ZMAT4: variants seen among roughly 807,000 people sequenced by gnomAD.
ZMAT4 encodes the protein zinc finger matrin-type protein 4.
Under a neutral mutation model 28.7 loss-of-function variants are expected in ZMAT4, and 17 were observed. The observed-to-expected ratio is 0.59, with a 90% CI of 0.41 to 0.89. ZMAT4 has a LOEUF of 0.89. ZMAT4 is among the 40% of genes least tolerant of loss of function. The pLI is 0.00. For synonymous variants in ZMAT4, 117 were observed against 109.2 expected (o/e 1.07, Z -0.44); for missense variants, 240 against 283.8 (o/e 0.85, Z 1.11).
At chr8:40,636,660 A>T (rs1305268931) in intron 5 of ZMAT4, among the ~76,000 whole-genome samples, 3 of 152,208 alleles carry the variant, frequency 2.0e-5, no homozygotes, top group Non-Finnish European at 2.9e-5. Flanking sequence ...GAGAGCTTGT[A>T]ATTAAAAGGT....
chr8:40,783,648 G>A (rs949187250), intron 2 of ZMAT4, among the ~76,000 whole-genome samples: 11 of 152,116 alleles, frequency 7.2e-5, no homozygotes, highest in African/African-American at 2.7e-4. Flanking sequence ...AAACATAAGA[G>A]ATGCATATCT....
rs559478013 is a variant in ZMAT4 at position 40,656,639 on chromosome 8, G to T, written c.577+18065C>A. Reference sequence around the variant, plus strand: ...TACTGATACATGCTACAAAATAAATGACCCTTAAACACATTATGCTAAATA... The same window carrying T: ...TACTGATACATGCTACAAAATAAATTACCCTTAAACACATTATGCTAAATA... On this transcript the variant is annotated intron_variant, in intron 5 of 6. Transcript: ENST00000297737. Among the ~76,000 whole-genome samples, 5 of 151,950 alleles carry T rather than the reference G, an allele frequency of 3.3e-5. No individual in the cohort carries two copies. In the South Asian group the frequency reaches 1.0e-3, roughly 32 times the overall value.
chr8:40,819,217 G>A (rs1815654709), intron 2 of ZMAT4, among the ~76,000 whole-genome samples: 1 of 152,038 alleles, frequency 6.6e-6, no homozygotes, highest in South Asian at 2.1e-4. Flanking sequence ...GCCATTCCCA[G>A]GTGGGCTAAA....
chr8:40,748,167 A>C (rs1463051689), intron 3 of ZMAT4, among the ~76,000 whole-genome samples: 1 of 152,236 alleles, frequency 6.6e-6, no homozygotes, highest in Non-Finnish European at 1.5e-5. Context: ...CAATAAAAAT[A>C]ATCTTTTCCA....
In ZMAT4 at chr8:40,583,784, C is replaced by T. The variant is rs144361135; in HGVS notation, c.578-2523G>A. On this transcript the variant is annotated intron_variant, in intron 5 of 6. Transcript: ENST00000297737. The stretch of plus-strand genomic sequence containing the variant: ...TTTGGTAAGGTGGGACAACTTGAGG[C>T]GGGGACTTCCAGGTCATGAGTAGAC... 3.9e-5 allele frequency among the ~76,000 whole-genome samples: 6 copies of T among 152,150 alleles called. No individual in the cohort carries two copies. In the East Asian group the frequency reaches 7.7e-4, roughly 20 times the overall value.
intron 1 of ZMAT4, among the ~76,000 whole-genome samples, chr8:40,870,542 C>T (rs990696303): frequency 1.3e-5 from 2 of 152,152 alleles, no homozygotes; most frequent in African/African-American, 2.4e-5. Flanking sequence ...GAAGATTATC[C>T]TTCCCTAGAA....
At chr8:40,804,928 C>A (rs969709290) in intron 2 of ZMAT4, among the ~76,000 whole-genome samples, 2 of 151,640 alleles carry the variant, frequency 1.3e-5, no homozygotes, top group Non-Finnish European at 1.5e-5. Flanking sequence ...ATCGTTTAAA[C>A]CAATATTTCT....
intron 1 of ZMAT4, among the ~76,000 whole-genome samples, chr8:40,830,061 T>C (rs1166854250): frequency 1.3e-5 from 2 of 152,140 alleles, no homozygotes; most frequent in African/African-American, 4.8e-5. Flanking sequence ...TTTTTCAGGA[T>C]CCTCAGAGGC....
At chr8:40,727,305 C>T (rs753808156) in intron 3 of ZMAT4, among the ~76,000 whole-genome samples, 6 of 152,104 alleles carry the variant, frequency 3.9e-5, no homozygotes, top group Non-Finnish European at 7.4e-5. Flanking sequence ...AATCATATTC[C>T]CTCGTGTCTA....
At chr8:40,573,213 G>C (rs555608852) in intron 6 of ZMAT4, among the ~76,000 whole-genome samples, 2 of 152,056 alleles carry the variant, frequency 1.3e-5, no homozygotes, top group African/African-American at 2.4e-5. Context: ...GTGTCTAAAG[G>C]GTTGCCTAAA....
chr8:40,550,370 T>C (rs1057263020), intron 6 of ZMAT4, among the ~76,000 whole-genome samples: 1 of 152,134 alleles, frequency 6.6e-6, no homozygotes, highest in Non-Finnish European at 1.5e-5. Context: ...CTTCCACATT[T>C]CTCTCACAGG....
At chr8:40,587,072 G>A (rs1351356689) in intron 5 of ZMAT4, among the ~76,000 whole-genome samples, 1 of 150,818 alleles carries the variant, frequency 6.6e-6, no homozygotes, top group Non-Finnish European at 1.5e-5. Flanking sequence ...GGCCCAGAGT[G>A]GAAATGGGCC....
intron 2 of ZMAT4, among the ~76,000 whole-genome samples, chr8:40,768,712 T>C (rs1813265031): frequency 1.1e-5 from 1 of 93,122 alleles, no homozygotes; most frequent in African/African-American, 3.7e-5. Flanking sequence ...AAGAATCAAA[T>C]GAGACATTGC....
intron 1 of ZMAT4, among the ~76,000 whole-genome samples, chr8:40,868,130 T>C (rs1396870727): frequency 6.6e-6 from 1 of 152,208 alleles, no homozygotes; most frequent in Non-Finnish European, 1.5e-5. Context: ...ATATATTTGT[T>C]GAGTGCAGAA....
intron 5 of ZMAT4, among the ~76,000 whole-genome samples, chr8:40,588,652 A>G (rs1804751146): frequency 6.6e-6 from 1 of 152,108 alleles, no homozygotes; most frequent in Non-Finnish European, 1.5e-5. Flanking sequence ...GAACAACTAG[A>G]ATTTGACACA....
At chr8:40,561,388 C>T (rs546834352) in intron 6 of ZMAT4, among the ~76,000 whole-genome samples, 7 of 152,118 alleles carry the variant, frequency 4.6e-5, no homozygotes, top group Admixed American at 3.9e-4. Flanking sequence ...TCTTATAATT[C>T]CCTTAGCTAT....
At chr8:40,595,008 T>A (rs976621634) in intron 5 of ZMAT4, among the ~76,000 whole-genome samples, 16 of 152,222 alleles carry the variant, frequency 1.1e-4, no homozygotes, top group Non-Finnish European at 2.2e-4. Flanking sequence ...CCTGCTTTGT[T>A]CTTAAATTGA....
Position 40,532,145 on chromosome 8 carries a change from C to T in ZMAT4, c.*78G>A. The T allele has an allele frequency of 7.2e-7, 1 of 1,392,158 alleles. No homozygotes were observed. Among genetic ancestry groups the T allele is most frequent in the South Asian group, 1.5e-5 (1 of 65,660 alleles). The allele number at this position is 1,392,158 out of a possible 1,614,324, so 86.2% of individuals were successfully genotyped here. A position where few individuals can be genotyped will look rare whatever the true frequency, so the allele number is the denominator to read the frequency against. The stretch of plus-strand genomic sequence containing the variant: ...TGTTTATTGTTCAAGAAAGAAGCCT[C>T]CTCTGGTGGTTGATAAGCAATTCTC... On this transcript the variant is annotated 3_prime_UTR_variant, in exon 7 of 7. Coordinates refer to ENST00000297737, the MANE Select transcript of ZMAT4 (RefSeq NM_024645.3).
At position 40,872,919 on chromosome 8, in the gene ZMAT4, G is replaced by A. The variant is rs548170137; in HGVS notation, c.-5+24764C>T. Among the ~76,000 whole-genome samples the A allele has an allele frequency of 1.7e-4, 26 of 152,200 alleles. No individual in the cohort carries two copies. In the South Asian group the frequency reaches 5.2e-3, roughly 30 times the overall value. On this transcript the variant is annotated intron_variant, in intron 1 of 6. Coordinates refer to ENST00000297737, the MANE Select transcript of ZMAT4 (RefSeq NM_024645.3). ...TAACAAAACACAGACCACTAGAGCCGTCAGCAGGGTTCAGTCAGCTCAACC... is the reference window on the plus strand; with the variant it reads ...TAACAAAACACAGACCACTAGAGCCATCAGCAGGGTTCAGTCAGCTCAACC...
Sources: gnomAD v4.1 joint callset for allele counts (sites outside exome capture counted in the v4.1 genomes callset) on GRCh38, gnomAD v4.1.1 for gene constraint, MANE v1.5 for transcripts, NCBI Gene and HGNC (gene_info 2026-07-23, HGNC 2026-07-21) for gene names.